The following POMT2 variants were observed in gnomAD, a reference collection of about 807,000 sequenced individuals.
The protein encoded by POMT2 is protein O-mannosyltransferase 2, also known as protein O-mannosyl-transferase 2.
Under a neutral mutation model 100.0 loss-of-function variants are expected in POMT2, and 75 were observed. The ratio of observed to expected loss-of-function variants is 0.75; its 90% CI spans 0.62 to 0.91. POMT2 has a LOEUF of 0.91. POMT2 is among the 40% of genes least tolerant of loss of function. The pLI is 0.00. For synonymous variants in POMT2, 378 were observed against 374.1 expected, an observed-to-expected ratio of 1.01 and a Z score of -0.12; for missense variants, 940 against 955.1, an observed-to-expected ratio of 0.98 and a Z score of 0.21.
chr14:77,280,609 C>CTGCCT, intron 15 of POMT2, 146 bp from the exon 16 acceptor site: 1 of 1,499,726 alleles, frequency 6.7e-7, no homozygotes. Context: ...AATCAGGCAG[C>CTGCCT]TGCTGTCTGC....
intron 18 of POMT2, 109 bp downstream of exon 18, chr14:77,279,714 G>C (rs975843074): frequency 1.9e-6 from 2 of 1,057,884 alleles, no homozygotes; most frequent in Admixed American, 4.0e-5. Context: ...GGGAAGGTGT[G>C]GGGTGGTAAA....
At chr14:77,286,610 G>A (rs1247733045) in intron 12 of POMT2, 134 bp downstream of exon 12, 4 of 1,337,558 alleles carry the variant, frequency 3.0e-6, no homozygotes, top group Non-Finnish European at 4.2e-6. Context: ...GTGCCCAAAT[G>A]TTAAGAGAGT....
At position 77,280,296 on chromosome 14, in the gene POMT2, C is replaced by T. The variant is rs1890168857; in HGVS notation, c.1725+96G>A. 1.9e-6 allele frequency: 3 copies of T among 1,585,706 alleles called. No homozygotes were observed. In the South Asian group the frequency reaches 3.4e-5, roughly 18 times the overall value. On this transcript the variant is annotated intron_variant, in intron 16 of 20. Coordinates refer to ENST00000261534, the MANE Select transcript of POMT2 (RefSeq NM_013382.7). ...CAACCCATCCCAGGAGGCCCCTCGC[C>T]CTGCCGCCCTAGTACACCCACCCCC...
chr14:77,286,398 C>T (rs1458638483), intron 12 of POMT2, among the ~76,000 whole-genome samples: 1 of 152,196 alleles, frequency 6.6e-6, no homozygotes, highest in Non-Finnish European at 1.5e-5. Context: ...AAAAGATAAA[C>T]ATACATGTTG....
chr14:77,280,988 G>C (rs1890206008), intron 15 of POMT2, among the ~76,000 whole-genome samples: 1 of 152,024 alleles, frequency 6.6e-6, no homozygotes, highest in African/African-American at 2.4e-5. Context: ...CAGCCACTTG[G>C]GAGGCTGAGG....
In POMT2 at chr14:77,299,477, G is replaced by A. The variant is rs1459147308; in HGVS notation, c.901C>T (p.His301Tyr). The A allele has an allele frequency of 1.2e-6, 2 of 1,613,998 alleles. No homozygotes were observed. Among genetic ancestry groups the A allele is most frequent in the African/African-American group, 1.3e-5 (1 of 75,018 alleles). ...TACCTTTTACTCAGCACCATGAAGT[G>A]AACAGCAAAGGTGGCTGTATAGAGA... ...LALYTATFAV[H>Y]FMVLSKSGPG... is the part of the protein sequence containing the mutation. The change falls in exon 7 of 21, where the codon CAC becomes TAC. Residue 301 changes from histidine (H) to tyrosine (Y), a missense_variant. Physicochemically the swap from His to Tyr is moderately conservative, Grantham distance 83 (BLOSUM62 2). Transcript: ENST00000261534.
chr14:77,304,510 T>A (rs186883981), intron 4 of POMT2, among the ~76,000 whole-genome samples, 182 bp downstream of exon 4: 1 of 152,262 alleles, frequency 6.6e-6, no homozygotes, highest in Non-Finnish European at 1.5e-5. Context: ...AGGCTTGTTA[T>A]ATATAACTAT....
intron 1 of POMT2, 171 bp downstream of exon 1, chr14:77,320,263 C>G: frequency 8.9e-7 from 1 of 1,118,918 alleles, no homozygotes; most frequent in South Asian, 1.4e-5. Flanking sequence ...AAAACGATCC[C>G]CCTCCCAGAG....
chr14:77,278,908 G>A, intron 18 of POMT2, 39 bp from the exon 19 acceptor site: 1 of 1,602,398 alleles, frequency 6.2e-7, no homozygotes. Context: ...AAGACAAGGA[G>A]CGGGCAGAGA....
Position 77,280,032 on chromosome 14 carries a change from G to A in POMT2, c.1774C>T (p.Leu592Phe), listed in dbSNP as rs767562604. The A allele has an allele frequency of 1.2e-6, 2 of 1,614,020 alleles. No homozygotes were observed. The highest frequency in any genetic ancestry group is 1.7e-5 in the Admixed American group (1 of 60,032). The change falls in exon 17 of 21, where the codon CTT becomes TTT. Residue 592 changes from leucine to phenylalanine, a missense_variant. Transcript: ENST00000261534. ...GTTTAGGCACTCACCGGGTTGCCAA[G>A]CAGATAGACTCGGAAATCTGTGTCA... ...VNDTDFRVYL[L>F]GNPVVWWLNL...
chr14:77,291,525 T>C lies in POMT2; in HGVS notation c.1117-145A>G, dbSNP rs1890641831. 3.7e-6 allele frequency: 4 copies of C among 1,089,636 alleles called. No homozygotes were observed. In the South Asian group the frequency reaches 5.8e-5, roughly 16 times the overall value. 67.5% of individuals were successfully genotyped at this position (1,089,636 alleles called of 1,614,324 possible). ...CCCCAGCCACCAACCTGAGGGGCCA[T>C]GTTTCCCAATGGGGCTCATATGTAG... On this transcript the variant is annotated intron_variant, in intron 9 of 20. Transcript: ENST00000261534.
chr14:77,310,736 A>T (rs1239314255), intron 2 of POMT2, among the ~76,000 whole-genome samples: 5 of 152,160 alleles, frequency 3.3e-5, no homozygotes, highest in Non-Finnish European at 5.9e-5. Context: ...TCACAGGAAA[A>T]TTCCTGTCCC....
At chr14:77,278,679 G>A (rs577882694) in intron 19 of POMT2, 50 bp downstream of exon 19, 3 of 1,610,808 alleles carry the variant, frequency 1.9e-6, no homozygotes, top group African/African-American at 1.3e-5. Context: ...CCCAACAGTG[G>A]CCCGCCCTCC....
intron 10 of POMT2, among the ~76,000 whole-genome samples, chr14:77,290,654 G>A (rs1890605160): frequency 6.6e-6 from 1 of 152,170 alleles, no homozygotes; most frequent in African/African-American, 2.4e-5. Context: ...CCTGCAGGTA[G>A]CTAGCTGTCT....
Position 77,277,190 on chromosome 14 carries a change from G to C in POMT2, c.*186C>G, listed in dbSNP as rs547018226. 2.1e-4 allele frequency: 132 copies of C among 626,948 alleles called. No homozygotes were observed. The highest frequency in any genetic ancestry group is 3.3e-4 in the Non-Finnish European group (114 of 346,296). The allele number at this position is 626,948 out of a possible 1,614,324, so 38.8% of individuals were successfully genotyped here. ...CCGTGGTGCTGTGGACGGAGCTGCGGCTCTCTCCCGGCTCTCTCCAATGCT... is the reference window on the plus strand; with the variant it reads ...CCGTGGTGCTGTGGACGGAGCTGCGCCTCTCTCCCGGCTCTCTCCAATGCT... On this transcript the variant is annotated 3_prime_UTR_variant, in exon 21 of 21. Transcript: ENST00000261534.
chr14:77,298,618 T>C, intron 8 of POMT2, 71 bp downstream of exon 8: 2 of 1,522,766 alleles, frequency 1.3e-6, no homozygotes, highest in Admixed American at 1.7e-5. Flanking sequence ...GCCATCATAT[T>C]TGTCTTTTCC....
chr14:77,307,731 G>A (rs1037146501), intron 2 of POMT2, among the ~76,000 whole-genome samples: 6 of 152,072 alleles, frequency 3.9e-5, no homozygotes, highest in Non-Finnish European at 8.8e-5. Context: ...CTTCCTCACA[G>A]GGGGCATGAG....
At chr14:77,308,345 A>G (rs1324432862) in intron 2 of POMT2, among the ~76,000 whole-genome samples, 1 of 145,264 alleles carries the variant, frequency 6.9e-6, no homozygotes, top group Admixed American at 7.2e-5. Flanking sequence ...TCCAATTGAC[A>G]AAGTTTTTTT....
intron 9 of POMT2, among the ~76,000 whole-genome samples, chr14:77,294,216 C>A (rs1212360318): frequency 2.6e-5 from 4 of 152,250 alleles, no homozygotes; most frequent in African/African-American, 7.2e-5. Context: ...TTTATGTCCC[C>A]ACCCAATTCT....
Sources: allele counts gnomAD v4.1 joint callset (sites outside exome capture counted in the v4.1 genomes callset), GRCh38; gene constraint gnomAD v4.1.1; transcripts MANE v1.5; gene names NCBI Gene and HGNC (gene_info 2026-07-23, HGNC 2026-07-21).